Variants in FMN2 observed in about 807,000 individuals in gnomAD.
FMN2 encodes the protein formin-2.
Under a neutral mutation model 142.3 loss-of-function variants are expected in FMN2, and 51 were observed. The observed-to-expected ratio is 0.36, with a 90% CI of 0.29 to 0.45. FMN2 has a LOEUF of 0.45. Among genes scored for constraint, FMN2 ranks in the 20% least tolerant of loss-of-function variants. The pLI is 1.00. For missense variants in FMN2, 1,936 were observed against 2,122.8 expected, an observed-to-expected ratio of 0.91 and a Z score of 1.73; for synonymous variants, 882 against 869.8, an observed-to-expected ratio of 1.01 and a Z score of -0.25.
intron 8 of FMN2, among the ~76,000 whole-genome samples, chr1:240,317,133 A>G (rs1189488351): frequency 1.3e-5 from 2 of 152,126 alleles, no homozygotes; most frequent in African/African-American, 4.8e-5. Context: ...CCTGGCCAAC[A>G]TGGTGAAACC....
intron 8 of FMN2, among the ~76,000 whole-genome samples, chr1:240,317,687 CACAAA>C (rs904404271): frequency 1.3e-5 from 2 of 151,976 alleles, no homozygotes; most frequent in African/African-American, 4.8e-5. Context: ...GGGTATTACA[CACAAA>C]ACTGTTATGA....
At chr1:240,368,792 G>A (rs1672765500) in intron 14 of FMN2, among the ~76,000 whole-genome samples, 1 of 151,948 alleles carries the variant, frequency 6.6e-6, no homozygotes, top group Non-Finnish European at 1.5e-5. Flanking sequence ...GGCCATCTTT[G>A]TAAACAAATT....
At chr1:240,464,773 T>C (rs568632401) in intron 16 of FMN2, among the ~76,000 whole-genome samples, 2 of 152,308 alleles carry the variant, frequency 1.3e-5, no homozygotes, top group South Asian at 4.1e-4. Flanking sequence ...TGTCCATTAC[T>C]GAGCCACATT....
intron 15 of FMN2, among the ~76,000 whole-genome samples, chr1:240,433,714 C>G (rs1347176702): frequency 3.3e-5 from 5 of 152,130 alleles, no homozygotes; most frequent in Admixed American, 3.3e-4. Context: ...TCAGGAATAC[C>G]TTTTTGTAAT....
intron 2 of FMN2, among the ~76,000 whole-genome samples, chr1:240,139,849 G>A (rs1270125917): frequency 6.6e-6 from 1 of 152,122 alleles, no homozygotes; most frequent in Admixed American, 6.6e-5. Context: ...GGTTAGTGAG[G>A]GTGGGAATTG....
rs756419828 is a variant in FMN2 at position 240,092,487 on chromosome 1, C to T, written c.378C>T (p.Asp126=). Residue 126 remains aspartate (D), a synonymous_variant, in exon 1 of 18, where the codon GAC becomes GAT. Transcript: ENST00000319653. ...CTCCAGACCTCAGCCTCTCGGCGGA[C>T]GAGGCCGGCCTGTCGGATACCGAGT... ...TKTPDLSLSA[D]EAGLSDTECA... The T allele has an allele frequency of 1.7e-5, 28 of 1,607,066 alleles. No homozygotes were observed. The highest frequency in any genetic ancestry group is 2.3e-5 in the Non-Finnish European group (27 of 1,176,910).
chr1:240,118,831 G>C lies in FMN2; in HGVS notation c.1616-4348G>C, dbSNP rs1398554865. On this transcript the variant is annotated intron_variant, in intron 1 of 17. Transcript: ENST00000319653. Reference sequence around the variant, plus strand: ...AACGTGGGGCAGTGAGGCAGGAGGTGAGTTATTTAGTGAATGACGAAGGGA... The same window carrying C: ...AACGTGGGGCAGTGAGGCAGGAGGTCAGTTATTTAGTGAATGACGAAGGGA... Among the ~76,000 whole-genome samples, 4 of 152,114 alleles carry C rather than the reference G, an allele frequency of 2.6e-5. No individual in the cohort carries two copies. The East Asian group carries it at 7.7e-4, about 29-fold the overall frequency.
chr1:240,206,799 G>T lies in FMN2; in HGVS notation c.1987G>T (p.Glu663Ter), dbSNP rs1447398573. The T allele has an allele frequency of 6.2e-7, 1 of 1,602,994 alleles. No homozygotes were observed. The change falls in exon 5 of 18, where the codon GAA (glutamate) becomes TAA (stop). Residue 663 changes from glutamate (E) to a stop codon, truncating the protein, a stop_gained and splice_region_variant. Transcript: ENST00000319653. LOFTEE classifies it high-confidence loss of function. ...PQKRSDAVQK[E>*]VVDMKSEGQA... Reference sequence around the variant, plus strand: ...TGTGTCTGTCCTTGTCGCCCTTCAGGAAGTTGTTGACATGAAGTCTGAGGG... The same window carrying T: ...TGTGTCTGTCCTTGTCGCCCTTCAGTAAGTTGTTGACATGAAGTCTGAGGG...
At chr1:240,143,261 G>T in intron 2 of FMN2, 3 of 1,569,896 alleles carry the variant, frequency 1.9e-6, no homozygotes, top group African/African-American at 1.4e-5. Context: ...GAGATAATTT[G>T]CTTAGGGTAT....
chr1:240,092,445 C>A lies in FMN2; in HGVS notation c.336C>A (p.His112Gln), dbSNP rs749989542. The A allele has an allele frequency of 1.2e-6, 2 of 1,610,656 alleles. No homozygotes were observed. Among genetic ancestry groups the A allele is most frequent in the South Asian group, 2.2e-5 (2 of 90,606 alleles). Residue 112 changes from histidine (H) to glutamine (Q), a missense_variant, in exon 1 of 18, where the codon CAC (histidine) becomes CAA (glutamine). By Grantham distance (24) the His-to-Gln change is conservative (BLOSUM62 0). Around this residue, in one of 8 missense-constraint regions of FMN2, gnomAD observed 751 missense variants for 791.8 expected, o/e 0.95. Transcript: ENST00000319653. ...ALQTGELDSA[H>Q]SLLTKTPDLS... is the part of the protein sequence containing the mutation. ...AGACCGGGGAGCTGGACAGCGCTCA[C>A]TCCCTGCTCACCAAGACTCCAGACC...
chr1:240,282,508 A>G (rs942996597), intron 7 of FMN2, among the ~76,000 whole-genome samples: 7 of 152,200 alleles, frequency 4.6e-5, no homozygotes, highest in African/African-American at 1.7e-4. Context: ...TGCTGTTGGT[A>G]TATGTGCCAT....
chr1:240,153,269 A>G (rs559670400), intron 2 of FMN2, among the ~76,000 whole-genome samples: 1 of 151,832 alleles, frequency 6.6e-6, no homozygotes, highest in South Asian at 2.1e-4. Context: ...GAGCCATTTT[A>G]TCATCATTTT....
At position 240,241,825 on chromosome 1, in the gene FMN2, CTTTTTTTTTTTTTT is replaced by C. The variant is rs71567282; in HGVS notation, c.4066-16104_4066-16091del. 1.1e-4 allele frequency among the ~76,000 whole-genome samples: 11 copies of C among 96,204 alleles called. 1 individual carries two copies. Among genetic ancestry groups the C allele is most frequent in the African/African-American group, 3.4e-4 (9 of 26,280 alleles). The allele number at this position is 96,204 out of a possible 152,430, so 63.1% of individuals were successfully genotyped here. A position where few individuals can be genotyped will look rare whatever the true frequency, so the allele number is the denominator to read the frequency against. On this transcript the variant is annotated intron_variant, in intron 6 of 17. Coordinates refer to ENST00000319653, the MANE Select transcript of FMN2 (RefSeq NM_020066.5). ...ATTTTCTTTATTTTAGTGTGCCTTG[CTTTTTTTTTTTTTT>C]TTTTTTTTTTTTTTTGAGACGGAGT...
In FMN2 at chr1:240,351,480, C is replaced by T. The variant is rs146146757; in HGVS notation, c.4766-4336C>T. 3.3e-5 allele frequency among the ~76,000 whole-genome samples: 5 copies of T among 151,854 alleles called. No individual in the cohort carries two copies. In the East Asian group the frequency reaches 5.8e-4, roughly 18 times the overall value. The stretch of plus-strand genomic sequence containing the variant: ...AATTCTACATGTTTCCCAGTGTGCA[C>T]AGGAAATTCTATAAATTAGGGGGAA... On this transcript the variant is annotated intron_variant, in intron 13 of 17. Coordinates refer to ENST00000319653, the MANE Select transcript of FMN2 (RefSeq NM_020066.5).
chr1:240,407,684 T>C (rs1674257906), intron 15 of FMN2, among the ~76,000 whole-genome samples: 6 of 152,014 alleles, frequency 3.9e-5, no homozygotes, highest in Admixed American at 3.9e-4. Context: ...CCCTAAAGAG[T>C]GTGCATTCTT....
At chr1:240,299,922 A>G (rs1670138527) in intron 8 of FMN2, among the ~76,000 whole-genome samples, 1 of 152,186 alleles carries the variant, frequency 6.6e-6, no homozygotes, top group African/African-American at 2.4e-5. Context: ...CAAGACTAGT[A>G]GGAATAAGGT....
At chr1:240,416,877 A>G (rs1202385338) in intron 15 of FMN2, among the ~76,000 whole-genome samples, 1 of 150,888 alleles carries the variant, frequency 6.6e-6, no homozygotes, top group African/African-American at 2.4e-5. Flanking sequence ...TGAATAGTTC[A>G]TTTATTTTTA....
chr1:240,456,577 G>A (rs374889222), intron 16 of FMN2, among the ~76,000 whole-genome samples: 2 of 152,050 alleles, frequency 1.3e-5, no homozygotes, highest in Non-Finnish European at 2.9e-5. Flanking sequence ...CTGCCTCAGC[G>A]TCCCCAGTAG....
intron 14 of FMN2, among the ~76,000 whole-genome samples, chr1:240,362,074 G>A (rs1572231469): frequency 1.3e-5 from 2 of 152,326 alleles, no homozygotes; most frequent in East Asian, 3.9e-4. Flanking sequence ...TCAGTGGACG[G>A]AACATGTTTC....
Sources: gnomAD v4.1 joint callset for allele counts (sites outside exome capture counted in the v4.1 genomes callset) on GRCh38, gnomAD v4.1.1 for gene constraint, gnomAD v4.1.1 regional missense constraint, MANE v1.5 for transcripts, NCBI Gene and HGNC (gene_info 2026-07-23, HGNC 2026-07-21) for gene names.